Variants in SLC19A2 observed in about 807,000 individuals in gnomAD.
The protein encoded by SLC19A2 is thiamine transporter 1.
SLC19A2 carries 27 observed loss-of-function variants against 44.7 expected under a neutral mutation model. The observed-to-expected ratio is 0.60, with a 90% confidence interval of 0.45 to 0.83. The LOEUF is 0.83. Ranked by LOEUF, SLC19A2 falls within the 40% of genes least tolerant of loss-of-function variation. The pLI, the probability that SLC19A2 is intolerant of heterozygous loss-of-function variation, is 0.00. For missense variants in SLC19A2, 566 were observed against 613.7 expected, an observed-to-expected ratio of 0.92 and a Z score of 0.82; for synonymous variants, 239 against 243.6, an observed-to-expected ratio of 0.98 and a Z score of 0.18.
rs1658131155 is a variant in SLC19A2 at position 169,470,042 on chromosome 1, C to T, written c.952G>A (p.Gly318Ser). The T allele has an allele frequency of 6.2e-7, 1 of 1,613,956 alleles. No individual in the cohort carries two copies. Among genetic ancestry groups the T allele is most frequent in the Non-Finnish European group, 8.5e-7 (1 of 1,179,936 alleles). ...GYFQVVNYTQ[G>S]LWEKVMPSRY... The stretch of plus-strand genomic sequence containing the variant: ...GAAGGCATCACTTTCTCCCACAGGC[C>T]CTGTGTGTAGTTCACAACTTGAAAA... The change falls in exon 3 of 6, where the codon GGC becomes AGC. Residue 318 changes from glycine to serine, a missense_variant. Coordinates refer to ENST00000236137, the MANE Select transcript of SLC19A2 (RefSeq NM_006996.3).
chr1:169,484,377 A>G (rs1363706865), intron 1 of SLC19A2, among the ~76,000 whole-genome samples: 1 of 152,192 alleles, frequency 6.6e-6, no homozygotes, highest in Non-Finnish European at 1.5e-5. Context: ...AAAAGAAGTG[A>G]CTGACTACTA....
In SLC19A2 at chr1:169,485,866, T is replaced by C; in HGVS notation, c.-100A>G. Reference sequence around the variant, plus strand: ...ACTTGTAACCGCGAGTGACGCCTTCTCCCTGTAAGGCCAGGACGTTCTGGA... The same window carrying C: ...ACTTGTAACCGCGAGTGACGCCTTCCCCCTGTAAGGCCAGGACGTTCTGGA... On this transcript the variant is annotated 5_prime_UTR_variant, in exon 1 of 6. Coordinates refer to ENST00000236137, the MANE Select transcript of SLC19A2 (RefSeq NM_006996.3). 1 of 1,326,132 alleles carries C rather than the reference T, an allele frequency of 7.5e-7. No homozygotes were observed. Among genetic ancestry groups the C allele is most frequent in the East Asian group, 2.5e-5 (1 of 39,540 alleles). 82.1% of individuals were successfully genotyped at this position (1,326,132 alleles called of 1,614,324 possible).
Position 169,476,587 on chromosome 1 carries a change from G to A in SLC19A2, c.807+568C>T, listed in dbSNP as rs564885457. Among the ~76,000 whole-genome samples, 18 of 152,126 alleles carry A rather than the reference G, an allele frequency of 1.2e-4. No homozygotes were observed. In the South Asian group the frequency reaches 1.9e-3, roughly 16 times the overall value. On this transcript the variant is annotated intron_variant, in intron 2 of 5. Coordinates refer to ENST00000236137, the MANE Select transcript of SLC19A2 (RefSeq NM_006996.3). ...ACAAAAATTAGCTGGGCGTGGTGGC[G>A]AGCGCCCATAATCCCAGCTACTAGG...
intron 2 of SLC19A2, among the ~76,000 whole-genome samples, chr1:169,473,616 C>G (rs1658245971): frequency 6.6e-6 from 1 of 151,800 alleles, no homozygotes; most frequent in African/African-American, 2.4e-5. Flanking sequence ...ATTTAGTTTC[C>G]TCTTCTGTAA....
chr1:169,475,189 T>G (rs1004624003), intron 2 of SLC19A2, among the ~76,000 whole-genome samples: 2 of 152,206 alleles, frequency 1.3e-5, no homozygotes, highest in African/African-American at 4.8e-5. Flanking sequence ...ACTGTGTATC[T>G]ATAAACAAGT....
Position 169,470,116 on chromosome 1 carries a change from C to T in SLC19A2, c.878G>A (p.Arg293His), listed in dbSNP as rs1180594917. Residue 293 changes from arginine (R) to histidine (H), a missense_variant, in exon 3 of 6, where the codon CGC becomes CAC. Physicochemically the swap from Arg to His is conservative, Grantham distance 29. Coordinates refer to ENST00000236137, the MANE Select transcript of SLC19A2 (RefSeq NM_006996.3). Reference protein sequence around the residue: ...WNDFLMCYSSRPLLCWSVWWA... With the variant: ...WNDFLMCYSSHPLLCWSVWWA... Reference sequence around the variant, plus strand: ...CCACACAGACCAGCAGAGAAGAGGGCGAGAGGAGTAGCACATCAGGAAATC... The same window carrying T: ...CCACACAGACCAGCAGAGAAGAGGGTGAGAGGAGTAGCACATCAGGAAATC... 6 of 1,613,968 alleles carry T rather than the reference C, an allele frequency of 3.7e-6. No homozygotes were observed. The highest frequency in any genetic ancestry group is 3.3e-5 in the South Asian group (3 of 91,066).
At chr1:169,482,384 A>AC (rs1447092127) in intron 1 of SLC19A2, among the ~76,000 whole-genome samples, 1 of 152,142 alleles carries the variant, frequency 6.6e-6, no homozygotes, top group Non-Finnish European at 1.5e-5. Context: ...TACTAAAAAT[A>AC]TAAAAAATTA....
At chr1:169,468,019 T>G (rs1053599216) in intron 5 of SLC19A2, 92 bp downstream of exon 5, 1 of 1,261,432 alleles carries the variant, frequency 7.9e-7, no homozygotes, top group South Asian at 1.2e-5. Context: ...TGTTCCCTAT[T>G]GTTTGGATTT....
intron 1 of SLC19A2, among the ~76,000 whole-genome samples, chr1:169,479,011 G>A (rs1342433578): frequency 6.6e-6 from 1 of 152,060 alleles, no homozygotes; most frequent in Non-Finnish European, 1.5e-5. Context: ...GAGAACAACT[G>A]CCTTATAGGC....
At chr1:169,482,484 T>C (rs1181152160) in intron 1 of SLC19A2, among the ~76,000 whole-genome samples, 1 of 152,142 alleles carries the variant, frequency 6.6e-6, no homozygotes, top group African/African-American at 2.4e-5. Flanking sequence ...GACGTTGCAG[T>C]GAGCCGAGAT....
At chr1:169,480,199 T>C (rs1010953949) in intron 1 of SLC19A2, among the ~76,000 whole-genome samples, 2 of 152,216 alleles carry the variant, frequency 1.3e-5, no homozygotes, top group Admixed American at 6.5e-5. Flanking sequence ...CTGCATTAAA[T>C]AACTCTAAGT....
intron 2 of SLC19A2, among the ~76,000 whole-genome samples, chr1:169,473,867 G>A (rs539264828): frequency 2.6e-5 from 4 of 151,296 alleles, no homozygotes; most frequent in South Asian, 2.1e-4. Flanking sequence ...TTATTCACGT[G>A]TAATGATAAT....
At chr1:169,479,932 G>T (rs973276315) in intron 1 of SLC19A2, among the ~76,000 whole-genome samples, 1 of 152,184 alleles carries the variant, frequency 6.6e-6, no homozygotes, top group African/African-American at 2.4e-5. Context: ...TCTCTTGCCA[G>T]TGCAGAGCAT....
intron 1 of SLC19A2, among the ~76,000 whole-genome samples, chr1:169,478,516 C>G (rs1658378139): frequency 7.0e-6 from 1 of 143,272 alleles, no homozygotes. Flanking sequence ...ACTACCACAA[C>G]CAGCTAATTT....
rs2101780783 is a variant in SLC19A2 at position 169,477,041 on chromosome 1, A to G, written c.807+114T>C. On this transcript the variant is annotated intron_variant, in intron 2 of 5. Coordinates refer to ENST00000236137, the MANE Select transcript of SLC19A2 (RefSeq NM_006996.3). ...GAATAAAGCAATAAACCAACTCAGG[A>G]TAAAACATGAATCCAAATAAATACA... 3.3e-6 allele frequency: 4 copies of G among 1,206,200 alleles called. No homozygotes were observed. In the East Asian group the frequency reaches 9.3e-5, roughly 28 times the overall value. The allele number at this position is 1,206,200 out of a possible 1,614,324, so 74.7% of individuals were successfully genotyped here. A position where few individuals can be genotyped will look rare whatever the true frequency, so the allele number is the denominator to read the frequency against.
intron 1 of SLC19A2, among the ~76,000 whole-genome samples, chr1:169,481,336 T>C (rs1658440110): frequency 6.6e-6 from 1 of 152,248 alleles, no homozygotes; most frequent in Non-Finnish European, 1.5e-5. Context: ...TCTGAATTCA[T>C]AAATTCTGAA....
chr1:169,468,978 C>T, intron 3 of SLC19A2, 142 bp from the exon 4 acceptor site: 1 of 704,334 alleles, frequency 1.4e-6, no homozygotes, highest in East Asian at 2.7e-5. Flanking sequence ...GGCCTTGAAA[C>T]TCACACAGAA....
chr1:169,478,940 A>C (rs890586730), intron 1 of SLC19A2, among the ~76,000 whole-genome samples: 1 of 152,006 alleles, frequency 6.6e-6, no homozygotes, highest in African/African-American at 2.4e-5. Flanking sequence ...AAAAAAAAAA[A>C]ATGCCCAGCC....
intron 1 of SLC19A2, among the ~76,000 whole-genome samples, chr1:169,485,350 G>C (rs1194954640): frequency 6.6e-6 from 1 of 152,238 alleles, no homozygotes; most frequent in Non-Finnish European, 1.5e-5. Flanking sequence ...CTGGACGCGT[G>C]TTCTGAGCCC....
Sources: gnomAD v4.1 joint callset for allele counts (sites outside exome capture counted in the v4.1 genomes callset) on GRCh38, gnomAD v4.1.1 for gene constraint, MANE v1.5 for transcripts, NCBI Gene and HGNC (gene_info 2026-07-23, HGNC 2026-07-21) for gene names.